IL23R: variants seen among roughly 807,000 people sequenced by gnomAD.
The protein encoded by IL23R is interleukin 23 receptor, also known as interleukin-23 receptor.
IL23R carries 34 observed loss-of-function variants against 56.9 expected under a neutral mutation model. The ratio of observed to expected loss-of-function variants is 0.60; its 90% CI spans 0.45 to 0.80. The LOEUF (loss-of-function observed/expected upper bound fraction) is 0.80. Ranked by LOEUF, IL23R falls within the 30% of genes least tolerant of loss-of-function variation. The probability of loss-of-function intolerance (pLI) is 0.00; values close to 1 mark genes in which losing one functional copy is unlikely to be tolerated. For missense variants in IL23R, 635 were observed against 730.0 expected, an observed-to-expected ratio of 0.87 and a Z score of 1.50; for synonymous variants, 230 against 249.2, an observed-to-expected ratio of 0.92 and a Z score of 0.73.
At chr1:67,195,549 C>T (rs1465938770) in intron 4 of IL23R, among the ~76,000 whole-genome samples, 1 of 152,174 alleles carries the variant, frequency 6.6e-6, no homozygotes, top group Non-Finnish European at 1.5e-5. Flanking sequence ...GAAGGTAGGT[C>T]TGTCTCTAAA....
chr1:67,204,599 A>G (rs1344562092), intron 5 of IL23R, among the ~76,000 whole-genome samples: 2 of 152,162 alleles, frequency 1.3e-5, no homozygotes, highest in African/African-American at 4.8e-5. Flanking sequence ...TTTTGCCAAA[A>G]GGGTCCTAGA....
chr1:67,219,088 T>C (rs1248021856), intron 6 of IL23R, among the ~76,000 whole-genome samples: 3 of 151,988 alleles, frequency 2.0e-5, no homozygotes, highest in Non-Finnish European at 4.4e-5. Context: ...CAGTATGGGC[T>C]GGGCACGGTG....
upstream of IL23R, among the ~76,000 whole-genome samples, chr1:67,164,247 G>A (rs541573170): frequency 1.1e-3 from 173 of 152,316 alleles, no homozygotes; most frequent in African/African-American, 3.8e-3. Flanking sequence ...TGTAATCCCA[G>A]CACTTTGGGA....
intron 9 of IL23R, among the ~76,000 whole-genome samples, chr1:67,254,406 A>C (rs1421740828): frequency 1.4e-5 from 1 of 70,682 alleles, no homozygotes; most frequent in African/African-American, 9.4e-5. Flanking sequence ...AAAGTGGGTA[A>C]ATATATATAC....
chr1:67,170,254 T>C (rs1375917652), intron 3 of IL23R, among the ~76,000 whole-genome samples: 1 of 152,228 alleles, frequency 6.6e-6, no homozygotes, highest in African/African-American at 2.4e-5. Flanking sequence ...CAATAATTTA[T>C]TTGGAAGCAT....
chr1:67,188,750 T>G (rs932403568), intron 4 of IL23R, among the ~76,000 whole-genome samples: 1 of 152,164 alleles, frequency 6.6e-6, no homozygotes, highest in Non-Finnish European at 1.5e-5. Context: ...GTGACTTCTA[T>G]ATGTTCTCAC....
At chr1:67,261,216 C>G (rs1479704076), downstream of IL23R, among the ~76,000 whole-genome samples, 1 of 151,502 alleles carries the variant, frequency 6.6e-6, no homozygotes, top group African/African-American at 2.4e-5. Context: ...CAATAACTGC[C>G]CTCATTCACT....
In IL23R at chr1:67,147,804, T is replaced by C. The variant is rs1646693119; in HGVS notation, c.-634+8643T>C. 3.3e-5 allele frequency among the ~76,000 whole-genome samples: 5 copies of C among 152,380 alleles called. No homozygotes were observed. In the South Asian group the frequency reaches 1.0e-3, roughly 32 times the overall value. On this transcript the variant is annotated intron_variant, in intron 1 of 10. Transcript: ENST00000637002. ...CTACTAGCTACTTCATTTTACTGTG[T>C]TTGTATCCAATGTAATAATACTACA...
intron 7 of IL23R, among the ~76,000 whole-genome samples, chr1:67,228,191 C>T (rs1304066231): frequency 1.6e-4 from 19 of 119,398 alleles, no homozygotes; most frequent in African/African-American, 2.3e-4. Context: ...TCCTTCCTTC[C>T]TTCCTTCCTC....
intron 1 of IL23R, among the ~76,000 whole-genome samples, chr1:67,155,353 G>A (rs539431571): frequency 1.3e-4 from 20 of 152,262 alleles, no homozygotes; most frequent in African/African-American, 4.8e-4. Flanking sequence ...CTAGGTTGGG[G>A]AAGTTCTCCT....
intron 4 of IL23R, among the ~76,000 whole-genome samples, chr1:67,192,583 G>T (rs1647832105): frequency 6.6e-6 from 1 of 152,046 alleles, no homozygotes. Flanking sequence ...GTCATTCAAG[G>T]TATCTTGAAG....
intron 9 of IL23R, among the ~76,000 whole-genome samples, chr1:67,253,353 T>A (rs1652755557): frequency 6.6e-6 from 1 of 152,208 alleles, no homozygotes; most frequent in Admixed American, 6.5e-5. Context: ...GCATTGAGTA[T>A]TTCTAAGCTG....
downstream of IL23R, among the ~76,000 whole-genome samples, chr1:67,260,962 A>G (rs1653185562): frequency 6.6e-6 from 1 of 152,158 alleles, no homozygotes; most frequent in South Asian, 2.1e-4. Flanking sequence ...CTCCTCCAAC[A>G]GTTGTCAATT....
intron 1 of IL23R, among the ~76,000 whole-genome samples, chr1:67,158,575 C>T (rs953260121): frequency 7.9e-5 from 12 of 152,222 alleles, no homozygotes; most frequent in Middle Eastern, 3.4e-3. Context: ...TGGTAACTTC[C>T]AGGTGTTGCC....
chr1:67,156,321 G>A (rs1054227104), intron 1 of IL23R, among the ~76,000 whole-genome samples: 4 of 152,200 alleles, frequency 2.6e-5, no homozygotes, highest in Admixed American at 2.0e-4. Context: ...CTGGTGCTCT[G>A]TGCTGGGAGA....
At chr1:67,229,142 C>T (rs1570893483) in intron 7 of IL23R, among the ~76,000 whole-genome samples, 2 of 152,288 alleles carry the variant, frequency 1.3e-5, no homozygotes, top group East Asian at 3.9e-4. Flanking sequence ...CTACAACTCC[C>T]ACCTCAGATG....
upstream of IL23R, among the ~76,000 whole-genome samples, chr1:67,165,881 G>C (rs1373020580): frequency 2.0e-5 from 3 of 152,192 alleles, no homozygotes; most frequent in Non-Finnish European, 4.4e-5. Flanking sequence ...AAGTTCAGGA[G>C]ATCTGATATA....
At chr1:67,173,681 T>G (rs1646973387) in intron 3 of IL23R, among the ~76,000 whole-genome samples, 1 of 152,182 alleles carries the variant, frequency 6.6e-6, no homozygotes, top group Non-Finnish European at 1.5e-5. Context: ...TAAAAGGATA[T>G]TAGACCTTCG....
chr1:67,212,275 A>G (rs570884036), intron 6 of IL23R, among the ~76,000 whole-genome samples: 22 of 152,342 alleles, frequency 1.4e-4, no homozygotes, highest in African/African-American at 5.0e-4. Context: ...AGCTTTGTTT[A>G]CATTTGCTAC....
Sources: allele counts gnomAD v4.1 joint callset (sites outside exome capture counted in the v4.1 genomes callset), GRCh38; gene constraint gnomAD v4.1.1; transcripts MANE v1.5; gene names NCBI Gene and HGNC (gene_info 2026-07-23, HGNC 2026-07-21).